Variants in KIAA1671 observed in about 807,000 individuals in gnomAD.
KIAA1671 encodes the protein uncharacterized protein KIAA1671.
A neutral mutation model predicts 131.2 loss-of-function variants in KIAA1671; 52 were observed. That is an observed-to-expected ratio of 0.40 (90% CI 0.32 to 0.50). The LOEUF (loss-of-function observed/expected upper bound fraction) is 0.50. Among genes scored for constraint, KIAA1671 ranks in the 20% least tolerant of loss-of-function variants. KIAA1671 has a pLI of 0.73. For synonymous variants in KIAA1671, 1,003 were observed against 961.6 expected (o/e 1.04, Z -0.80); for missense variants, 2,360 against 2,364.2 (o/e 1.00, Z 0.04).
At chr22:24,986,666 C>CCCACCCACCCATCCACCCACCCAT (rs1923557330) in intron 1 of KIAA1671, among the ~76,000 whole-genome samples, 1 of 128,706 alleles carries the variant, frequency 7.8e-6, no homozygotes, top group Non-Finnish European at 1.7e-5. Flanking sequence ...CACCCATCCA[C>CCCACCCACCCATCCACCCACCCAT]CCACCCATCC....
At chr22:25,177,135 C>T in intron 8 of KIAA1671, 1 of 554,374 alleles carries the variant, frequency 1.8e-6, no homozygotes, top group Non-Finnish European at 3.2e-6. Flanking sequence ...CATTGTTCCA[C>T]CTGACTTTTG....
chr22:25,154,203 C>T lies in KIAA1671; in HGVS notation c.4531-16617C>T, dbSNP rs151123993. On this transcript the variant is annotated intron_variant, in intron 6 of 12. Coordinates refer to ENST00000358431, the MANE Select transcript of KIAA1671 (RefSeq NM_001145206.2). The stretch of plus-strand genomic sequence containing the variant: ...GCACTGTGTCTGCCTGAACTGGCCT[C>T]TGGGTTCTCCACATGCACCAGCTTT... Among the ~76,000 whole-genome samples, 38 of 152,338 alleles carry T rather than the reference C, an allele frequency of 2.5e-4. 1 individual carries two copies. The East Asian group carries it at 7.3e-3, about 29-fold the overall frequency.
At chr22:25,106,585 T>TA (rs1323818569) in intron 6 of KIAA1671, among the ~76,000 whole-genome samples, 1 of 152,204 alleles carries the variant, frequency 6.6e-6, no homozygotes, top group African/African-American at 2.4e-5. Context: ...TCCAAACCCT[T>TA]AATCATGATG....
intron 6 of KIAA1671, among the ~76,000 whole-genome samples, chr22:25,150,836 C>CTTTTTTTTT (rs1324671566): frequency 7.9e-5 from 10 of 125,936 alleles, no homozygotes; most frequent in African/African-American, 3.1e-4. Flanking sequence ...GGGTCCTTTG[C>CTTTTTTTTT]TTTTTTTTTT....
intron 1 of KIAA1671, among the ~76,000 whole-genome samples, chr22:25,005,956 C>T (rs747174115): frequency 6.6e-6 from 1 of 152,216 alleles, no homozygotes; most frequent in Non-Finnish European, 1.5e-5. Flanking sequence ...AACAGCATAC[C>T]TAGCATCGTG....
rs1010942732 is a variant in KIAA1671, at chr22:24,972,640, C to G, written c.-208+19868C>G. 2.0e-5 allele frequency among the ~76,000 whole-genome samples: 3 copies of G among 148,774 alleles called. No individual in the cohort carries two copies. In the South Asian group the frequency reaches 6.7e-4, roughly 33 times the overall value. On this transcript the variant is annotated intron_variant, in intron 1 of 12. Transcript: ENST00000358431. ...CCACTTATTCTTTATTTCTTTCTTT[C>G]CCTCCCTCCTTCCCTCCCTCCCTTC...
intron 6 of KIAA1671, among the ~76,000 whole-genome samples, chr22:25,140,990 C>G (rs1419565428): frequency 6.6e-6 from 1 of 152,128 alleles, no homozygotes; most frequent in Admixed American, 6.5e-5. Flanking sequence ...GAACTTCCTA[C>G]AAGGCCCTCA....
At chr22:25,084,451 C>A (rs1189489293) in intron 6 of KIAA1671, among the ~76,000 whole-genome samples, 1 of 95,742 alleles carries the variant, frequency 1.0e-5, no homozygotes, top group African/African-American at 5.0e-5. Context: ...GAGCAAGACT[C>A]TATCTCAAAA....
chr22:24,960,555 A>G (rs1413862319), intron 1 of KIAA1671, among the ~76,000 whole-genome samples: 2 of 151,618 alleles, frequency 1.3e-5, no homozygotes, highest in African/African-American at 2.4e-5. Context: ...TCAAAAAAAA[A>G]AAAAAAAAAG....
chr22:25,007,349 G>A lies in KIAA1671; in HGVS notation c.-207-18284G>A, dbSNP rs1569204521. ...AAAAATATAAAAATTAGATGGGCATGGTGGTGTGTGCCTGTAGTCTCAGCT... is the reference window on the plus strand; with the variant it reads ...AAAAATATAAAAATTAGATGGGCATAGTGGTGTGTGCCTGTAGTCTCAGCT... On this transcript the variant is annotated intron_variant, in intron 1 of 12. Transcript: ENST00000358431. Among the ~76,000 whole-genome samples, 3 of 152,140 alleles carry A rather than the reference G, an allele frequency of 2.0e-5. No homozygotes were observed. The South Asian group carries it at 6.2e-4, about 32-fold the overall frequency.
At chr22:25,132,510 G>C (rs545378881) in intron 6 of KIAA1671, among the ~76,000 whole-genome samples, 6 of 152,242 alleles carry the variant, frequency 3.9e-5, no homozygotes, top group Middle Eastern at 3.4e-3. Context: ...TCGGAGCCTC[G>C]GTTTCTTTAT....
At chr22:25,096,315 C>T (rs546646759) in intron 6 of KIAA1671, among the ~76,000 whole-genome samples, 1 of 152,302 alleles carries the variant, frequency 6.6e-6, no homozygotes, top group Admixed American at 6.5e-5. Flanking sequence ...CAGTTACAGC[C>T]GCTTGTCCAC....
At chr22:25,049,059 C>T (rs1927393040) in intron 5 of KIAA1671, 171 bp from the exon 6 acceptor site, 1 of 787,092 alleles carries the variant, frequency 1.3e-6, no homozygotes, top group South Asian at 2.0e-5. Context: ...CCACTGGAAC[C>T]CAGAGCTACC....
At chr22:25,190,574 A>T in intron 11 of KIAA1671, 128 bp from the exon 12 acceptor site, 1 of 674,924 alleles carries the variant, frequency 1.5e-6, no homozygotes, top group Non-Finnish European at 2.6e-6. Context: ...GGGCATCTTT[A>T]CCACCTCTGA....
In KIAA1671 at chr22:25,192,713, TTTTAGACA is replaced by T. The variant is rs1934707606; in HGVS notation, c.*313_*320del. ...ATGTAAAAATTTGCATTTCTACCTA[TTTTAGACA>T]CCTTCATCAGCTCCAAGAACATCAG... On this transcript the variant is annotated 3_prime_UTR_variant, in exon 13 of 13. Coordinates refer to ENST00000358431, the MANE Select transcript of KIAA1671 (RefSeq NM_001145206.2). 6.6e-6 allele frequency: 1 copy of T among 152,244 alleles called. No homozygotes were observed. The highest frequency in any genetic ancestry group is 1.5e-5 in the Non-Finnish European group (1 of 68,052). 9.4% of individuals were successfully genotyped at this position (152,244 alleles called of 1,614,324 possible).
intron 11 of KIAA1671, among the ~76,000 whole-genome samples, chr22:25,187,725 G>A (rs938427338): frequency 2.0e-5 from 3 of 152,000 alleles, no homozygotes; most frequent in African/African-American, 4.8e-5. Flanking sequence ...TGCCCAGGCC[G>A]GTCTCGAATT....
chr22:24,970,244 G>A (rs973246463), intron 1 of KIAA1671, among the ~76,000 whole-genome samples: 1 of 152,090 alleles, frequency 6.6e-6, no homozygotes, highest in Non-Finnish European at 1.5e-5. Flanking sequence ...GAGACACCAG[G>A]GGAGAAGGAC....
At chr22:25,083,799 C>A (rs1377158767) in intron 6 of KIAA1671, among the ~76,000 whole-genome samples, 1 of 152,228 alleles carries the variant, frequency 6.6e-6, no homozygotes, top group Non-Finnish European at 1.5e-5. Context: ...ACCCAGATAG[C>A]AGGGAAGAAA....
chr22:25,104,139 C>T (rs938605449), intron 6 of KIAA1671, among the ~76,000 whole-genome samples: 1 of 152,046 alleles, frequency 6.6e-6, no homozygotes, highest in Non-Finnish European at 1.5e-5. Flanking sequence ...CCACCACACC[C>T]AGCTAATTTT....
Sources: allele counts gnomAD v4.1 joint callset (sites outside exome capture counted in the v4.1 genomes callset), GRCh38; gene constraint gnomAD v4.1.1; transcripts MANE v1.5; gene names NCBI Gene and HGNC (gene_info 2026-07-23, HGNC 2026-07-21).